SFMBT1: variants seen among roughly 807,000 people sequenced by gnomAD.
SFMBT1 encodes the protein scm-like with four MBT domains protein 1.
SFMBT1 carries 32 observed loss-of-function variants against 108.7 expected under a neutral mutation model. The ratio of observed to expected loss-of-function variants is 0.29; its 90% confidence interval spans 0.22 to 0.40. The LOEUF is 0.40. Ranked by LOEUF, SFMBT1 falls within the 10% of genes least tolerant of loss-of-function variation. The probability of loss-of-function intolerance (pLI) is 1.00; values close to 1 mark genes in which losing one functional copy is unlikely to be tolerated. For synonymous variants in SFMBT1, 348 were observed against 369.5 expected, an observed-to-expected ratio of 0.94 and a Z score of 0.67; for missense variants, 816 against 1,059.6, an observed-to-expected ratio of 0.77 and a Z score of 3.19.
At chr3:52,978,714 G>A (rs1243112482) in intron 1 of SFMBT1, among the ~76,000 whole-genome samples, 1 of 152,032 alleles carries the variant, frequency 6.6e-6, no homozygotes, top group African/African-American at 2.4e-5. Context: ...CAAATCAAAT[G>A]TATCAACCAA....
chr3:52,959,153 GA>G (rs1160699363), intron 2 of SFMBT1, among the ~76,000 whole-genome samples: 3 of 152,096 alleles, frequency 2.0e-5, no homozygotes, highest in Non-Finnish European at 4.4e-5. Context: ...AGAGCATCAG[GA>G]AAAACAGTTA....
chr3:52,929,043 A>G lies in SFMBT1; in HGVS notation c.898-702T>C, dbSNP rs141017804. 2.7e-4 allele frequency among the ~76,000 whole-genome samples: 41 copies of G among 152,168 alleles called. 1 individual carries two copies. The East Asian group carries it at 7.6e-3, about 28-fold the overall frequency. On this transcript the variant is annotated intron_variant, in intron 8 of 20. Transcript: ENST00000394752. ...CAACTCCATTTCACAGATAAGGAGA[A>G]TGAGTTCAAACAGAGGTTAAATAAC...
intron 4 of SFMBT1, among the ~76,000 whole-genome samples, chr3:52,935,448 T>C (rs890289942): frequency 1.3e-5 from 2 of 152,224 alleles, no homozygotes; most frequent in African/African-American, 4.8e-5. Flanking sequence ...ACAGAGATTG[T>C]ATGACTAGTA....
chr3:52,941,391 C>T (rs1703175889), intron 4 of SFMBT1, among the ~76,000 whole-genome samples: 2 of 151,956 alleles, frequency 1.3e-5, no homozygotes, highest in Admixed American at 6.6e-5. Context: ...GTCAGGGGTT[C>T]AAGACCAGCC....
At chr3:52,991,830 A>G (rs1705143750) in intron 1 of SFMBT1, among the ~76,000 whole-genome samples, 1 of 152,154 alleles carries the variant, frequency 6.6e-6, no homozygotes, top group South Asian at 2.1e-4. Context: ...CCCAGACACT[A>G]AATCTGCCAG....
intron 2 of SFMBT1, 58 bp downstream of exon 2, chr3:52,969,043 C>T (rs184814775): frequency 4.4e-6 from 7 of 1,591,996 alleles, no homozygotes; most frequent in Non-Finnish European, 6.0e-6. Context: ...CAATATAACA[C>T]AGGCAAGTAA....
intron 1 of SFMBT1, among the ~76,000 whole-genome samples, chr3:53,010,920 T>C (rs72965350): frequency 0.061 from 9,273 of 152,224 alleles, 759 homozygotes; most frequent in South Asian, 0.18. Context: ...ACCAACACAG[T>C]TAAAAACCAG....
chr3:53,029,951 A>G (rs59150137), intron 1 of SFMBT1, among the ~76,000 whole-genome samples: 4,131 of 151,188 alleles, frequency 0.027, 185 homozygotes, highest in African/African-American at 0.095. Context: ...ACTAACTTAG[A>G]AAAAAAAACA....
chr3:53,035,527 A>C (rs985265313), intron 1 of SFMBT1, among the ~76,000 whole-genome samples: 1 of 152,266 alleles, frequency 6.6e-6, no homozygotes, highest in Non-Finnish European at 1.5e-5. Flanking sequence ...AAAAACAGTA[A>C]AACTAAACAA....
intron 1 of SFMBT1, among the ~76,000 whole-genome samples, chr3:52,977,944 G>C (rs1015801312): frequency 6.6e-6 from 1 of 152,048 alleles, no homozygotes; most frequent in Non-Finnish European, 1.5e-5. Context: ...TATTGACATG[G>C]AAAGCTATTT....
At chr3:53,006,505 T>C (rs1698747163) in intron 1 of SFMBT1, among the ~76,000 whole-genome samples, 1 of 151,978 alleles carries the variant, frequency 6.6e-6, no homozygotes, top group Non-Finnish European at 1.5e-5. Context: ...GGCACGTGCC[T>C]GTAACCCCAG....
chr3:52,925,019 G>A (rs1019012374), intron 10 of SFMBT1, among the ~76,000 whole-genome samples: 13 of 152,048 alleles, frequency 8.5e-5, no homozygotes, highest in Admixed American at 8.5e-4. Context: ...TCAGGAGTTC[G>A]AGACCAGCCT....
intron 2 of SFMBT1, among the ~76,000 whole-genome samples, chr3:52,962,200 T>C (rs541125145): frequency 2.6e-5 from 4 of 152,350 alleles, no homozygotes; most frequent in Admixed American, 1.3e-4. Flanking sequence ...AAATTACATA[T>C]GTATTTACCT....
intron 1 of SFMBT1, among the ~76,000 whole-genome samples, chr3:53,030,492 T>C (rs934283918): frequency 1.3e-5 from 2 of 152,076 alleles, no homozygotes; most frequent in African/African-American, 2.4e-5. Flanking sequence ...ATGATGATTT[T>C]AAAAAATAAA....
chr3:52,992,326 A>G (rs1430730603), intron 1 of SFMBT1, among the ~76,000 whole-genome samples: 1 of 152,250 alleles, frequency 6.6e-6, no homozygotes, highest in East Asian at 1.9e-4. Context: ...TTTATAATAC[A>G]AAGGGTAAGT....
chr3:53,017,130 T>A (rs1699152126), intron 1 of SFMBT1, among the ~76,000 whole-genome samples: 1 of 152,196 alleles, frequency 6.6e-6, no homozygotes, highest in African/African-American at 2.4e-5. Flanking sequence ...GCAAAGTACA[T>A]TATTACTAGT....
chr3:53,014,481 CAAAACAAA>C (rs1699061783), intron 1 of SFMBT1, among the ~76,000 whole-genome samples: 226 of 1,562 alleles, frequency 0.14, 4 homozygotes, highest in Admixed American at 0.31. Context: ...TTAAAAAAAA[CAAAACAAA>C]ACAAAACAAA....
intron 1 of SFMBT1, among the ~76,000 whole-genome samples, chr3:52,988,062 G>A (rs1704991972): frequency 6.6e-6 from 1 of 152,196 alleles, no homozygotes; most frequent in Non-Finnish European, 1.5e-5. Flanking sequence ...CGGAGTAACA[G>A]GCTCTGCCTC....
chr3:53,021,213 T>C (rs947671779), intron 1 of SFMBT1, among the ~76,000 whole-genome samples: 2 of 152,254 alleles, frequency 1.3e-5, no homozygotes, highest in Non-Finnish European at 2.9e-5. Context: ...CAATTATCAC[T>C]TCTCTACAAC....
Sources: gnomAD v4.1 joint callset for allele counts (sites outside exome capture counted in the v4.1 genomes callset) on GRCh38, gnomAD v4.1.1 for gene constraint, MANE v1.5 for transcripts, NCBI Gene and HGNC (gene_info 2026-07-23, HGNC 2026-07-21) for gene names.